ACSM1: variants seen among roughly 807,000 people sequenced by gnomAD.
ACSM1 encodes the protein acyl-CoA synthetase medium chain family member 1, also known as acyl-coenzyme A synthetase ACSM1, mitochondrial.
A neutral mutation model predicts 75.8 loss-of-function variants in ACSM1; 79 were observed. That is an observed-to-expected ratio of 1.04 (90% CI 0.87 to 1.26). ACSM1 has a LOEUF of 1.26. Among genes scored for constraint, ACSM1 ranks in the 50% most tolerant of loss-of-function variants. The pLI is 0.00. For missense variants in ACSM1, 676 were observed against 720.1 expected, an observed-to-expected ratio of 0.94 and a Z score of 0.70; for synonymous variants, 279 against 265.8, an observed-to-expected ratio of 1.05 and a Z score of -0.48.
chr16:20,666,145 G>C (rs1431308457), intron 6 of ACSM1, among the ~76,000 whole-genome samples: 1 of 151,984 alleles, frequency 6.6e-6, no homozygotes, highest in Non-Finnish European at 1.5e-5. Context: ...AATCAAGCAA[G>C]AGAAAGAAAT....
At chr16:20,670,045 G>C (rs1048365764) in intron 5 of ACSM1, 59 bp from the exon 6 acceptor site, 1 of 1,565,704 alleles carries the variant, frequency 6.4e-7, no homozygotes, top group Non-Finnish European at 8.7e-7. Context: ...ATGAAGGGCT[G>C]TGCACTCTGG....
intron 2 of ACSM1, among the ~76,000 whole-genome samples, chr16:20,686,012 G>C (rs1028009437): frequency 1.3e-5 from 2 of 151,832 alleles, no homozygotes; most frequent in Non-Finnish European, 2.9e-5. Flanking sequence ...CATATGGACT[G>C]TGCATTCTTC....
In ACSM1 at chr16:20,691,023, G is replaced by A. The variant is rs1471551184; in HGVS notation, c.166C>T (p.Leu56=). ...TTCTCCTTTTGAGCCCAGTAGTCCA[G>A]TACATAACTTGCAAAGTTAAATTCC... ...PEEFNFASYV[L]DYWAQKEKEG... The change falls in exon 2 of 14, where the codon CTG becomes TTG. Residue 56 remains leucine (L), a synonymous_variant. Transcript: ENST00000520010. 4.3e-6 allele frequency: 7 copies of A among 1,613,578 alleles called. No individual in the cohort carries two copies. The Admixed American group carries it at 5.0e-5, about 12-fold the overall frequency.
intron 6 of ACSM1, among the ~76,000 whole-genome samples, chr16:20,665,614 G>T (rs114109118): frequency 7.0e-6 from 1 of 143,514 alleles, no homozygotes. Context: ...AAGGAGAAGG[G>T]ACTCCTTTCT....
At chr16:20,631,013 T>C (rs1217771528) in intron 10 of ACSM1, among the ~76,000 whole-genome samples, 1 of 152,244 alleles carries the variant, frequency 6.6e-6, no homozygotes, top group Non-Finnish European at 1.5e-5. Context: ...ACTTATAGAT[T>C]GCAGCAAACA....
intron 6 of ACSM1, among the ~76,000 whole-genome samples, chr16:20,664,786 A>T (rs2019482032): frequency 6.6e-6 from 1 of 152,192 alleles, no homozygotes; most frequent in Non-Finnish European, 1.5e-5. Context: ...CAAAAAATCA[A>T]AATCTTACCA....
chr16:20,645,564 A>T lies in ACSM1; in HGVS notation c.993-4980T>A, dbSNP rs139793694. ...TATTTGATCTCACATGGATAGATAT[A>T]ATATTACTGCTAAATCAGACACTAA... On this transcript the variant is annotated intron_variant, in intron 7 of 13. Coordinates refer to ENST00000520010, the MANE Select transcript of ACSM1 (RefSeq NM_001318890.3). 2.6e-5 allele frequency among the ~76,000 whole-genome samples: 4 copies of T among 152,336 alleles called. No homozygotes were observed. The East Asian group carries it at 7.7e-4, about 29-fold the overall frequency.
At chr16:20,664,541 A>G (rs2524395) in intron 6 of ACSM1, among the ~76,000 whole-genome samples, 1 of 152,202 alleles carries the variant, frequency 6.6e-6, no homozygotes, top group Non-Finnish European at 1.5e-5. Context: ...AGATTTTGCC[A>G]AACAAAAATA....
chr16:20,629,330 T>G (rs949390355), intron 10 of ACSM1, among the ~76,000 whole-genome samples: 1 of 152,214 alleles, frequency 6.6e-6, no homozygotes, highest in African/African-American at 2.4e-5. Context: ...CAGTTTTTTT[T>G]TATACAATTG....
At chr16:20,682,163 T>C (rs1177593275) in intron 4 of ACSM1, 93 bp downstream of exon 4, 6 of 1,245,018 alleles carry the variant, frequency 4.8e-6, no homozygotes, top group Non-Finnish European at 5.7e-6. Flanking sequence ...AAATAATAAA[T>C]ACATCCTCCT....
At chr16:20,658,179 T>TGC (rs1212109154) in intron 7 of ACSM1, among the ~76,000 whole-genome samples, 8 of 152,166 alleles carry the variant, frequency 5.3e-5, no homozygotes, top group African/African-American at 9.6e-5. Context: ...TGAGGAATCA[T>TGC]CACACTGTCT....
At chr16:20,665,724 C>G (rs1305493103) in intron 6 of ACSM1, among the ~76,000 whole-genome samples, 3 of 152,060 alleles carry the variant, frequency 2.0e-5, no homozygotes, top group Non-Finnish European at 4.4e-5. Context: ...AACGTAGATG[C>G]AAAAATTCTC....
intron 8 of ACSM1, among the ~76,000 whole-genome samples, chr16:20,638,539 G>A (rs941153320): frequency 2.6e-5 from 4 of 152,234 alleles, no homozygotes; most frequent in Non-Finnish European, 5.9e-5. Context: ...CACAGCAGCT[G>A]CAAGGTGAGC....
intron 12 of ACSM1, among the ~76,000 whole-genome samples, chr16:20,625,010 C>T (rs528750520): frequency 9.2e-5 from 14 of 152,168 alleles, no homozygotes; most frequent in Non-Finnish European, 1.6e-4. Context: ...CATGAGCCAC[C>T]GTGCCCGGCC....
chr16:20,652,415 A>G (rs958311081), intron 7 of ACSM1, among the ~76,000 whole-genome samples: 2 of 152,084 alleles, frequency 1.3e-5, no homozygotes, highest in African/African-American at 4.8e-5. Flanking sequence ...GAAAGTTATA[A>G]AAATAAAGAG....
intron 10 of ACSM1, among the ~76,000 whole-genome samples, chr16:20,634,281 G>A (rs2017522873): frequency 6.6e-6 from 1 of 152,166 alleles, no homozygotes. Context: ...AAGTGGTTTG[G>A]TAATTTATTT....
At chr16:20,664,268 C>T (rs1488602918) in intron 6 of ACSM1, among the ~76,000 whole-genome samples, 2 of 151,844 alleles carry the variant, frequency 1.3e-5, no homozygotes, top group Non-Finnish European at 2.9e-5. Context: ...ACCCATCTCA[C>T]AAGTAATGAT....
At chr16:20,637,313 A>T in intron 9 of ACSM1, 58 bp downstream of exon 9, 1 of 1,438,344 alleles carries the variant, frequency 7.0e-7, no homozygotes, top group Non-Finnish European at 9.8e-7. Flanking sequence ...CCTGGTGTCA[A>T]ATTGTCCAAC....
At chr16:20,655,798 G>A (rs1432286385) in intron 7 of ACSM1, among the ~76,000 whole-genome samples, 2 of 152,048 alleles carry the variant, frequency 1.3e-5, no homozygotes, top group Admixed American at 6.6e-5. Flanking sequence ...GAGTAACTGG[G>A]ACTATAGGTA....
Sources: allele counts gnomAD v4.1 joint callset (sites outside exome capture counted in the v4.1 genomes callset), GRCh38; gene constraint gnomAD v4.1.1; transcripts MANE v1.5; gene names NCBI Gene and HGNC (gene_info 2026-07-23, HGNC 2026-07-21).